ROBO2: variants seen among roughly 807,000 people sequenced by gnomAD.
ROBO2 encodes the protein roundabout homolog 2.
A neutral mutation model predicts 160.8 loss-of-function variants in ROBO2; 53 were observed. That is an observed-to-expected ratio of 0.33 (90% CI 0.26 to 0.41). The LOEUF (loss-of-function observed/expected upper bound fraction) is 0.41. Among genes scored for constraint, ROBO2 ranks in the 10% least tolerant of loss-of-function variants. The probability of loss-of-function intolerance (pLI) is 1.00; values close to 1 mark genes in which losing one functional copy is unlikely to be tolerated. For synonymous variants in ROBO2, 664 were observed against 611.7 expected (o/e 1.09, Z -1.26); for missense variants, 1,577 against 1,722.4 (o/e 0.92, Z 1.49).
intron 2 of ROBO2, among the ~76,000 whole-genome samples, chr3:77,453,137 C>A (rs2081289277): frequency 6.6e-6 from 1 of 152,128 alleles, no homozygotes; most frequent in Non-Finnish European, 1.5e-5. Context: ...TTATCTAAAC[C>A]ATTTTACTGC....
At chr3:76,210,001 C>G (rs1703043306) in intron 2 of ROBO2, among the ~76,000 whole-genome samples, 1 of 152,072 alleles carries the variant, frequency 6.6e-6, no homozygotes, top group Non-Finnish European at 1.5e-5. Flanking sequence ...AACTTCATCA[C>G]TTGAGTTGAT....
At chr3:76,255,366 T>C (rs35130755) in intron 2 of ROBO2, among the ~76,000 whole-genome samples, 105,886 of 152,008 alleles carry the variant, frequency 0.7, 41,104 homozygotes, top group Non-Finnish European at 0.89. Flanking sequence ...ACATAAAATA[T>C]TGCTTTAGTA....
chr3:77,289,325 C>G (rs1184729381), intron 2 of ROBO2, among the ~76,000 whole-genome samples: 2 of 151,466 alleles, frequency 1.3e-5, no homozygotes, highest in Non-Finnish European at 2.9e-5. Flanking sequence ...GCTAGAGCAC[C>G]AAAGACATAA....
chr3:76,907,611 CT>C (rs2075690451), intron 2 of ROBO2, among the ~76,000 whole-genome samples: 2 of 152,140 alleles, frequency 1.3e-5, no homozygotes, highest in African/African-American at 4.8e-5. Flanking sequence ...TTCTTCCTTT[CT>C]GTAAGATTCA....
intron 2 of ROBO2, among the ~76,000 whole-genome samples, chr3:76,060,526 A>T (rs2068037328): frequency 1.3e-5 from 2 of 152,186 alleles, no homozygotes; most frequent in East Asian, 3.8e-4. Context: ...TTCCGGGAAA[A>T]CATTGGCTTC....
intron 2 of ROBO2, among the ~76,000 whole-genome samples, chr3:76,874,174 C>T (rs1344904533): frequency 6.6e-6 from 1 of 151,564 alleles, no homozygotes; most frequent in Non-Finnish European, 1.5e-5. Flanking sequence ...AGCTTAAACA[C>T]TTTATGTAAA....
chr3:76,617,281 G>GTATA (rs140513831), intron 2 of ROBO2, among the ~76,000 whole-genome samples: 15 of 150,664 alleles, frequency 1.0e-4, no homozygotes, highest in African/African-American at 3.2e-4. Flanking sequence ...ACCCTTTATT[G>GTATA]TATATATATA....
At chr3:77,382,990 TTC>T (rs1265162201) in intron 2 of ROBO2, among the ~76,000 whole-genome samples, 2 of 152,204 alleles carry the variant, frequency 1.3e-5, no homozygotes, top group Non-Finnish European at 2.9e-5. Flanking sequence ...GATGTTGAAT[TTC>T]TGTTTTTCTT....
At chr3:76,392,987 G>T (rs760466482) in intron 2 of ROBO2, among the ~76,000 whole-genome samples, 8 of 152,110 alleles carry the variant, frequency 5.3e-5, no homozygotes, top group Non-Finnish European at 8.8e-5. Flanking sequence ...ACATTTTAAA[G>T]AACTTAAATT....
chr3:76,769,228 A>G (rs1268920962), intron 2 of ROBO2, among the ~76,000 whole-genome samples: 2 of 151,452 alleles, frequency 1.3e-5, no homozygotes, highest in Non-Finnish European at 3.0e-5. Context: ...AAAAACGAAT[A>G]TATGTAGAAC....
chr3:76,455,182 T>G (rs2109323272), intron 2 of ROBO2, among the ~76,000 whole-genome samples: 1 of 152,266 alleles, frequency 6.6e-6, no homozygotes, highest in Non-Finnish European at 1.5e-5. Flanking sequence ...TTTGGAAAAT[T>G]ATGTCTTAGA....
chr3:77,332,049 G>T lies in ROBO2; in HGVS notation c.389-145365G>T, dbSNP rs527564977. On this transcript the variant is annotated intron_variant, in intron 2 of 25. Coordinates refer to ENST00000461745, the Ensembl canonical transcript of ROBO2. Reference sequence around the variant, plus strand: ...GGTTAGATATGGTAGTGTTATAACTGTTGATATCCTTTGTAGTCTGTACTT... The same window carrying T: ...GGTTAGATATGGTAGTGTTATAACTTTTGATATCCTTTGTAGTCTGTACTT... 2.6e-5 allele frequency among the ~76,000 whole-genome samples: 4 copies of T among 152,270 alleles called. No individual in the cohort carries two copies. In the East Asian group the frequency reaches 7.7e-4, roughly 29 times the overall value.
intron 2 of ROBO2, among the ~76,000 whole-genome samples, chr3:76,554,776 G>T (rs1344404133): frequency 1.3e-5 from 2 of 151,964 alleles, no homozygotes; most frequent in South Asian, 4.2e-4. Flanking sequence ...TTGATGTTAT[G>T]CACATCTTTT....
intron 2 of ROBO2, among the ~76,000 whole-genome samples, chr3:76,632,227 A>G (rs2090073950): frequency 6.6e-6 from 1 of 152,216 alleles, no homozygotes; most frequent in Admixed American, 6.5e-5. Context: ...GTAGAATCCT[A>G]TAATGTCCTC....
intron 2 of ROBO2, among the ~76,000 whole-genome samples, chr3:76,141,060 C>CATACATATATATATATATATATATAT (rs1553656032): frequency 7.5e-5 from 4 of 53,578 alleles, no homozygotes; most frequent in East Asian, 7.8e-4. Flanking sequence ...TTTTTACATA[C>CATACATATATATATATATATATATAT]ATATATATAT....
At chr3:75,950,977 G>C (rs1262733848) in intron 2 of ROBO2, among the ~76,000 whole-genome samples, 1 of 151,932 alleles carries the variant, frequency 6.6e-6, no homozygotes, top group South Asian at 2.1e-4. Context: ...TATATAAATA[G>C]CTCAAATTCA....
intron 2 of ROBO2, among the ~76,000 whole-genome samples, chr3:77,177,078 G>C (rs1294786864): frequency 6.6e-6 from 1 of 151,914 alleles, no homozygotes; most frequent in Non-Finnish European, 1.5e-5. Context: ...AAAGGTTATT[G>C]TTACCACTGG....
chr3:77,284,364 G>T lies in ROBO2; in HGVS notation c.388+186024G>T, dbSNP rs573856644. ...TCCTCATCTGTAATATAAAGACACCGATGGTGTCTACCCAGATGTCCCTGC... is the reference window on the plus strand; with the variant it reads ...TCCTCATCTGTAATATAAAGACACCTATGGTGTCTACCCAGATGTCCCTGC... On this transcript the variant is annotated intron_variant, in intron 2 of 25. Transcript: ENST00000461745. Among the ~76,000 whole-genome samples the T allele has an allele frequency of 2.6e-5, 4 of 152,234 alleles. No homozygotes were observed. The East Asian group carries it at 7.7e-4, about 29-fold the overall frequency.
intron 2 of ROBO2, among the ~76,000 whole-genome samples, chr3:76,500,579 G>T (rs1016711039): frequency 1.3e-5 from 2 of 152,150 alleles, no homozygotes; most frequent in Non-Finnish European, 2.9e-5. Context: ...AAATTCCTCT[G>T]CAGACAAAGG....
Sources: allele counts gnomAD v4.1 joint callset (sites outside exome capture counted in the v4.1 genomes callset), GRCh38; gene constraint gnomAD v4.1.1; transcripts MANE v1.5; gene names NCBI Gene and HGNC (gene_info 2026-07-23, HGNC 2026-07-21).